Variants in C12orf57 observed in about 807,000 individuals in gnomAD.
The protein encoded by C12orf57 is chromosome 12 open reading frame 57.
C12orf57 carries 14 observed loss-of-function variants against 11.3 expected under a neutral mutation model. That is an observed-to-expected ratio of 1.24 (90% CI 0.82 to 1.94). The LOEUF is 1.94. Ranked by LOEUF, C12orf57 falls within the 30% of genes most tolerant of loss-of-function variation. C12orf57 has a pLI of 0.00. For missense variants in C12orf57, 229 were observed against 172.4 expected, an observed-to-expected ratio of 1.33 and a Z score of -1.84; for synonymous variants, 100 against 74.6, an observed-to-expected ratio of 1.34 and a Z score of -1.76.
chr12:6,943,480 G>T, upstream of C12orf57: 2 of 1,266,982 alleles, frequency 1.6e-6, no homozygotes, highest in Non-Finnish European at 2.0e-6. Context: ...CTCATCAATA[G>T]ACAAGGCCTT....
At chr12:6,943,845 A>G (rs781842057), upstream of C12orf57, 61 of 893,894 alleles carry the variant, frequency 6.8e-5, no homozygotes, top group Middle Eastern at 7.3e-4. Flanking sequence ...GAATTTGTCT[A>G]GTAGGCTTTC....
upstream of C12orf57, chr12:6,943,754 G>C: frequency 1.7e-6 from 2 of 1,149,186 alleles, no homozygotes; most frequent in Non-Finnish European, 1.1e-6. Context: ...AGTCACCTAA[G>C]CTCACCCTCA....
In C12orf57 at chr12:6,944,736, G is replaced by A. The variant is rs782128360; in HGVS notation, c.229+84G>A. The A allele has an allele frequency of 5.0e-5, 80 of 1,586,924 alleles. 2 individuals carry two copies. The South Asian group carries it at 8.5e-4, about 17-fold the overall frequency. On this transcript the variant is annotated intron_variant, in intron 2 of 2. Transcript: ENST00000229281. The stretch of plus-strand genomic sequence containing the variant: ...GGGCGCCGGATCTGTGGGCCCATGA[G>A]CGGTTGTCCCCTTTCTCGCCACACG...
chr12:6,944,962 T>G, intron 2 of C12orf57: 2 of 977,572 alleles, frequency 2.0e-6, no homozygotes, highest in Non-Finnish European at 2.8e-6. Flanking sequence ...GACCTAAATC[T>G]GAACACGAAA....
rs1555145979 is a variant in C12orf57, at chr12:6,944,472, G to T, written c.53-4G>T. 9.3e-6 allele frequency: 15 copies of T among 1,611,186 alleles called. No homozygotes were observed. The East Asian group carries it at 2.7e-4, about 29-fold the overall frequency. ...CGCCTCCCTGGGATGCTTCTGGCGCGCAGTGGTCCTCGCGGAGGTGATCCA... is the reference window on the plus strand; with the variant it reads ...CGCCTCCCTGGGATGCTTCTGGCGCTCAGTGGTCCTCGCGGAGGTGATCCA... On this transcript the variant is annotated splice_polypyrimidine_tract_variant and splice_region_variant and intron_variant, in intron 1 of 2. Coordinates refer to ENST00000229281, the MANE Select transcript of C12orf57 (RefSeq NM_138425.4).
At position 6,944,636 on chromosome 12, in the gene C12orf57, C is replaced by T; in HGVS notation, c.213C>T (p.Phe71=). The T allele has an allele frequency of 6.2e-7, 1 of 1,612,414 alleles. No individual in the cohort carries two copies. Among genetic ancestry groups the T allele is most frequent in the South Asian group, 1.1e-5 (1 of 91,072 alleles). Residue 71 remains phenylalanine (F), a synonymous_variant, in exon 2 of 3, where the codon TTC becomes TTT. Transcript: ENST00000229281. ...AGGAGGTTATCAAAGCCTATGGCTT[C>T]AGCTGCGACGGGGAAGGTGGGTCAG... The part of the protein sequence containing the change: ...IQQEVIKAYG[F]SCDGEGVLKF...
upstream of C12orf57, chr12:6,943,813 C>A (rs142699589): frequency 1.7e-5 from 15 of 865,774 alleles, no homozygotes; most frequent in African/African-American, 7.0e-5. Flanking sequence ...AACACATACG[C>A]AGCAGTGTTA....
Position 6,945,758 on chromosome 12 carries a change from C to T in C12orf57, c.230-13C>T, listed in dbSNP as rs375630752. The T allele has an allele frequency of 2.5e-6, 4 of 1,612,944 alleles. No individual in the cohort carries two copies. The highest frequency in any genetic ancestry group is 3.4e-6 in the Non-Finnish European group (4 of 1,179,600). On this transcript the variant is annotated splice_polypyrimidine_tract_variant and intron_variant, in intron 2 of 2. Transcript: ENST00000229281. ...CCTTAGGAGAAGGGTTGACCTTCCA[C>T]TCCCTCTTGCAGGTGTCCTTAAGTT...
intron 2 of C12orf57, 30 bp from the exon 3 acceptor site, chr12:6,945,741 G>C: frequency 6.2e-7 from 1 of 1,611,052 alleles, no homozygotes; most frequent in Non-Finnish European, 8.5e-7. Flanking sequence ...GTCCTTAGGA[G>C]AAGGGTTGAC....
intron 2 of C12orf57, among the ~76,000 whole-genome samples, chr12:6,945,547 C>G (rs753766482): frequency 2.2e-4 from 34 of 152,180 alleles, no homozygotes; most frequent in Non-Finnish European, 3.5e-4. Flanking sequence ...AAGAAGCACA[C>G]TGCCTTGGGA....
Position 6,944,090 on chromosome 12 carries a change from A to C in C12orf57, c.-32A>C, listed in dbSNP as rs181336893. The C allele has an allele frequency of 6.2e-7, 1 of 1,613,858 alleles. No individual in the cohort carries two copies. Among genetic ancestry groups the C allele is most frequent in the South Asian group, 1.1e-5 (1 of 91,078 alleles). On this transcript the variant is annotated 5_prime_UTR_variant, in exon 1 of 3. Coordinates refer to ENST00000229281, the MANE Select transcript of C12orf57 (RefSeq NM_138425.4). Reference sequence around the variant, plus strand: ...CTCTTTATTCGTGAGTTTTCCATTTACCTCCGCTGAACCTAGAGCTTCAGA... The same window carrying C: ...CTCTTTATTCGTGAGTTTTCCATTTCCCTCCGCTGAACCTAGAGCTTCAGA...
At chr12:6,944,347 C>G in intron 1 of C12orf57, 129 bp from the exon 2 acceptor site, 1 of 1,557,074 alleles carries the variant, frequency 6.4e-7, no homozygotes. Flanking sequence ...GCGCTTGCCC[C>G]CAAGACTTGG....
chr12:6,943,807 C>CT (rs1945690084), upstream of C12orf57: 2 of 879,550 alleles, frequency 2.3e-6, no homozygotes, highest in Non-Finnish European at 3.2e-6. Flanking sequence ...TCTCCAAACA[C>CT]ATACGCAGCA....
intron 1 of C12orf57, 114 bp from the exon 2 acceptor site, chr12:6,944,362 T>G: frequency 6.4e-7 from 1 of 1,553,586 alleles, no homozygotes; most frequent in Admixed American, 1.9e-5. Context: ...ACTTGGGATC[T>G]TATTGGGTTA....
At chr12:6,943,995 CGCTT>C (rs1945710325), upstream of C12orf57, 1 of 1,588,702 alleles carries the variant, frequency 6.3e-7, no homozygotes, top group East Asian at 2.2e-5. Context: ...CACGCCTGGG[CGCTT>C]CCGGCTGCGC....
chr12:6,944,677 T>C (rs1555146093), intron 2 of C12orf57, 25 bp downstream of exon 2: 2 of 1,582,648 alleles, frequency 1.3e-6, no homozygotes, highest in East Asian at 2.3e-5. Context: ...GGAAGGCGGG[T>C]CAGACGCGGG....
rs139938808 is a variant in C12orf57, at chr12:6,944,509, C to T, written c.86C>T (p.Ala29Val). Reference sequence around the variant, plus strand: ...GCGGAGGTGATCCAGGCGTTCTCCGCCCCGGAGAATGCAGTGCGCATGGAC... The same window carrying T: ...GCGGAGGTGATCCAGGCGTTCTCCGTCCCGGAGAATGCAGTGCGCATGGAC... ...VLAEVIQAFS[A>V]PENAVRMDEA... Residue 29 changes from alanine to valine, a missense_variant, in exon 2 of 3, where the codon GCC (alanine) becomes GTC (valine). Transcript: ENST00000229281. 643 of 1,613,384 alleles carry T rather than the reference C, an allele frequency of 4.0e-4. 3 individuals are homozygous for T. In the African/African-American group the frequency reaches 6.2e-3, roughly 16 times the overall value.
upstream of C12orf57, chr12:6,944,008 G>C (rs1301460379): frequency 1.3e-6 from 2 of 1,599,726 alleles, no homozygotes; most frequent in East Asian, 2.2e-5. Context: ...TTCCGGCTGC[G>C]CCGGATGCTG....
At chr12:6,945,059 A>T (rs1294504516) in intron 2 of C12orf57, 6 of 356,434 alleles carry the variant, frequency 1.7e-5, no homozygotes, top group African/African-American at 2.1e-5. Flanking sequence ...GCATGAGACA[A>T]AGTTTTGACT....
Sources: gnomAD v4.1 joint callset for allele counts (sites outside exome capture counted in the v4.1 genomes callset) on GRCh38, gnomAD v4.1.1 for gene constraint, MANE v1.5 for transcripts, NCBI Gene and HGNC (gene_info 2026-07-23, HGNC 2026-07-21) for gene names.